GPM6B: variants seen among roughly 807,000 people sequenced by gnomAD.
The protein encoded by GPM6B is neuronal membrane glycoprotein M6-b.
Under a neutral mutation model 27.2 loss-of-function variants are expected in GPM6B, and 4 were observed. The ratio of observed to expected loss-of-function variants is 0.15; its 90% CI spans 0.07 to 0.34. The LOEUF is 0.34. GPM6B is among the 10% of genes least tolerant of loss of function. GPM6B has a pLI of 1.00. For missense variants in GPM6B, 183 were observed against 261.9 expected, an observed-to-expected ratio of 0.70 and a Z score of 2.08; for synonymous variants, 124 against 103.1, an observed-to-expected ratio of 1.20 and a Z score of -1.23.
chrX:13,799,010 A>G (rs1475133034), intron 2 of GPM6B, among the ~76,000 whole-genome samples: 3 of 111,054 alleles, frequency 2.7e-5, no homozygotes, highest in Non-Finnish European at 5.7e-5. Flanking sequence ...CCTGGGTCCC[A>G]CCCTCAAGAT....
At chrX:13,830,034 T>A (rs1168325123) in intron 1 of GPM6B, among the ~76,000 whole-genome samples, 2 of 111,025 alleles carry the variant, frequency 1.8e-5, no homozygotes, top group African/African-American at 6.6e-5. Context: ...TTAATCATTT[T>A]ATCTTCGAAC....
chrX:13,884,321 T>C (rs766134668), intron 1 of GPM6B, among the ~76,000 whole-genome samples: 1 of 112,758 alleles, frequency 8.9e-6, no homozygotes, highest in Non-Finnish European at 1.9e-5. Flanking sequence ...TCTAGAATAG[T>C]TCATATTATA....
At chrX:13,806,662 T>C (rs756148879) in intron 2 of GPM6B, among the ~76,000 whole-genome samples, 4 of 112,662 alleles carry the variant, frequency 3.6e-5, no homozygotes, top group Non-Finnish European at 5.6e-5. Context: ...ATGGATTTTA[T>C]GACTTTGTAA....
chrX:13,899,645 AC>A (rs899554566), intron 1 of GPM6B, among the ~76,000 whole-genome samples: 1 of 110,788 alleles, frequency 9.0e-6, no homozygotes, highest in African/African-American at 3.3e-5. Context: ...ACGATGAACA[AC>A]AAGGACCAAG....
chrX:13,918,911 G>A (rs919068131), intron 1 of GPM6B, among the ~76,000 whole-genome samples: 25 of 112,135 alleles, frequency 2.2e-4, no homozygotes, highest in Middle Eastern at 4.6e-3. Context: ...AGGCAGCATT[G>A]CCAATGCTGG....
At chrX:13,774,201 A>G (rs1432498509) in intron 7 of GPM6B, 6 of 761,657 alleles carry the variant, frequency 7.9e-6, no homozygotes, top group Middle Eastern at 7.3e-4. Flanking sequence ...TTATCAGGCA[A>G]TCAAAAATAA....
chrX:13,823,300 G>C (rs1316412762), intron 1 of GPM6B, among the ~76,000 whole-genome samples: 1 of 112,033 alleles, frequency 8.9e-6, no homozygotes, highest in African/African-American at 3.2e-5. Flanking sequence ...GCCCAGGCAG[G>C]TCACTGTCAT....
intron 2 of GPM6B, among the ~76,000 whole-genome samples, chrX:13,795,935 TTTTATTTTGA>T: frequency 9.2e-6 from 1 of 108,552 alleles, no homozygotes; most frequent in East Asian, 2.9e-4. Flanking sequence ...TATTATTTTA[TTTTATTTTGA>T]GATGGAGTTT....
rs190482975 is a variant in GPM6B at position 13,832,096 on chromosome X, G to T, written c.-197-46288C>A. ...TGTACTTTTTACAATTAAAAAAACA[G>T]GCTATTGATAGACTAGGAGGAATAT... On this transcript the variant is annotated intron_variant, in intron 1 of 6. Coordinates refer to the GPM6B transcript ENST00000398361. Among the ~76,000 whole-genome samples the T allele has an allele frequency of 3.6e-3, 401 of 111,410 alleles. 2 individuals are homozygous for T. Among genetic ancestry groups the T allele is most frequent in the African/African-American group, 0.012 (383 of 30,651 alleles).
chrX:13,885,354 C>T (rs942417002), intron 1 of GPM6B, among the ~76,000 whole-genome samples: 1 of 112,349 alleles, frequency 8.9e-6, no homozygotes, highest in African/African-American at 3.2e-5. Flanking sequence ...CTTAGCTGTT[C>T]AAATAGATGT....
At chrX:13,875,960 GT>G (rs2050029396) in intron 1 of GPM6B, among the ~76,000 whole-genome samples, 1 of 112,310 alleles carries the variant, frequency 8.9e-6, no homozygotes, top group Non-Finnish European at 1.9e-5. Flanking sequence ...GTACAACATT[GT>G]GAATGTACTA....
intron 2 of GPM6B, among the ~76,000 whole-genome samples, chrX:13,802,174 A>C (rs2048931639): frequency 1.9e-5 from 2 of 107,873 alleles, no homozygotes; most frequent in South Asian, 8.2e-4. Flanking sequence ...GAAAACATAT[A>C]ACATAAGGGA....
intron 1 of GPM6B, among the ~76,000 whole-genome samples, chrX:13,868,116 C>A (rs750996631): frequency 1.3e-3 from 146 of 111,072 alleles, no homozygotes; most frequent in Middle Eastern, 4.6e-3. Flanking sequence ...GGTGAAACAC[C>A]AGAATATGGA....
intron 7 of GPM6B, 159 bp downstream of exon 7, chrX:13,776,079 G>A: frequency 2.1e-6 from 1 of 483,784 alleles, no homozygotes; most frequent in Non-Finnish European, 3.7e-6. Flanking sequence ...AATACTTTCT[G>A]TAAACTACAT....
chrX:13,812,044 C>CTTTTTTTTTTTTTTT (rs752162419), intron 1 of GPM6B, among the ~76,000 whole-genome samples: 4 of 82,666 alleles, frequency 4.8e-5, no homozygotes, highest in African/African-American at 1.9e-4. Context: ...CTTTTCTTTT[C>CTTTTTTTTTTTTTTT]TTTCTTTTTT....
chrX:13,886,544 G>A (rs755089441), intron 1 of GPM6B, among the ~76,000 whole-genome samples: 3 of 106,438 alleles, frequency 2.8e-5, no homozygotes, highest in Non-Finnish European at 3.8e-5. Context: ...CTCTATACCC[G>A]AATTTCAAGA....
chrX:13,880,909 G>A (rs1283562053), intron 1 of GPM6B, among the ~76,000 whole-genome samples: 1 of 110,098 alleles, frequency 9.1e-6, no homozygotes, highest in Non-Finnish European at 1.9e-5. Context: ...TGGGGCCTTT[G>A]CAACCTGCCG....
chrX:13,860,113 A>G lies in GPM6B; in HGVS notation c.-197-74305T>C, dbSNP rs750403456. ...AAGCTAAGAAAAATATTTCACAGTG[A>G]GTTGAAAGAAAAACTATCAGTTGGC... On this transcript the variant is annotated intron_variant, in intron 1 of 6. Transcript: ENST00000398361. Among the ~76,000 whole-genome samples the G allele has an allele frequency of 2.7e-5, 3 of 112,591 alleles. No homozygotes were observed. The South Asian group carries it at 1.1e-3, about 41-fold the overall frequency.
At chrX:13,909,719 C>G (rs753421805) in intron 1 of GPM6B, among the ~76,000 whole-genome samples, 1 of 110,759 alleles carries the variant, frequency 9.0e-6, no homozygotes, top group East Asian at 2.8e-4. Flanking sequence ...AAGAGGAGGC[C>G]GAAGCTCAGA....
Sources: gnomAD v4.1 joint callset for allele counts (sites outside exome capture counted in the v4.1 genomes callset) on GRCh38, gnomAD v4.1.1 for gene constraint, MANE v1.5 for transcripts, NCBI Gene and HGNC (gene_info 2026-07-23, HGNC 2026-07-21) for gene names.